MAP4K4: variants seen among roughly 807,000 people sequenced by gnomAD.
MAP4K4 encodes the protein mitogen-activated protein kinase kinase kinase kinase 4.
Under a neutral mutation model 189.6 loss-of-function variants are expected in MAP4K4, and 38 were observed. That is an observed-to-expected ratio of 0.20 (90% CI 0.15 to 0.26). MAP4K4 has a LOEUF of 0.26. MAP4K4 is among the 10% of genes least tolerant of loss of function. The probability of loss-of-function intolerance (pLI) is 1.00; values close to 1 mark genes in which losing one functional copy is unlikely to be tolerated. For synonymous variants in MAP4K4, 610 were observed against 624.3 expected, an observed-to-expected ratio of 0.98 and a Z score of 0.34; for missense variants, 1,054 against 1,726.9, an observed-to-expected ratio of 0.61 and a Z score of 6.91.
intron 13 of MAP4K4, among the ~76,000 whole-genome samples, chr2:101,858,024 TG>T (rs2097530850): frequency 1.3e-5 from 2 of 152,330 alleles, no homozygotes; most frequent in Admixed American, 6.5e-5. Flanking sequence ...CTCTTTGGCT[TG>T]TAAAATGTTT....
At chr2:101,871,433 T>C (rs1197022157) in intron 23 of MAP4K4, 61 bp from the exon 24 acceptor site, 3 of 1,356,170 alleles carry the variant, frequency 2.2e-6, no homozygotes, top group African/African-American at 1.4e-5. Context: ...CAGTTATCAA[T>C]AGGGCCATAG....
chr2:101,885,823 TG>T (rs1196635401), intron 29 of MAP4K4, among the ~76,000 whole-genome samples: 1 of 152,226 alleles, frequency 6.6e-6, no homozygotes, highest in Non-Finnish European at 1.5e-5. Flanking sequence ...CAAATTAAGA[TG>T]TTTTTGCCAT....
intron 2 of MAP4K4, among the ~76,000 whole-genome samples, chr2:101,702,523 T>G (rs2039463152): frequency 6.6e-6 from 1 of 152,080 alleles, no homozygotes; most frequent in Non-Finnish European, 1.5e-5. Context: ...GAGCCGAGAT[T>G]GTGCCATTGC....
chr2:101,820,678 CT>C (rs2095997531), intron 3 of MAP4K4, among the ~76,000 whole-genome samples: 2 of 152,186 alleles, frequency 1.3e-5, no homozygotes, highest in African/African-American at 2.4e-5. Flanking sequence ...TGTGCTAAGT[CT>C]TTTCAGGAGC....
rs78262287 is a variant in MAP4K4 at position 101,773,288 on chromosome 2, A to G, written c.124-17432A>G. On this transcript the variant is annotated intron_variant, in intron 2 of 32. Coordinates refer to ENST00000324219, the Ensembl canonical transcript of MAP4K4. ...AAAGGGAGGGCAGCAAGGGGGAGGG[A>G]ACAAAGACAATGCCAACAAAGCAAA... 8.0e-3 allele frequency among the ~76,000 whole-genome samples: 1,224 copies of G among 152,314 alleles called. 58 individuals carry two copies. The East Asian group carries it at 0.12, about 16-fold the overall frequency.
At chr2:101,722,061 A>G (rs973271792) in intron 2 of MAP4K4, among the ~76,000 whole-genome samples, 1 of 152,188 alleles carries the variant, frequency 6.6e-6, no homozygotes, top group Non-Finnish European at 1.5e-5. Flanking sequence ...GGAAGATAGT[A>G]GGAGAGAGAA....
At chr2:101,736,224 C>T (rs183803082) in intron 2 of MAP4K4, among the ~76,000 whole-genome samples, 1 of 152,358 alleles carries the variant, frequency 6.6e-6, no homozygotes, top group Admixed American at 6.5e-5. Context: ...ATCTGTCCAA[C>T]AGTTCCCTTC....
chr2:101,698,091 A>G (rs750177799), exon 1 of MAP4K4: 1 of 1,323,016 alleles, frequency 7.6e-7, no homozygotes, highest in Non-Finnish European at 1.0e-6. Flanking sequence ...ATGGCGAACG[A>G]CTCCCCTGCA....
intron 2 of MAP4K4, among the ~76,000 whole-genome samples, chr2:101,723,901 T>C (rs1423978405): frequency 1.3e-5 from 2 of 152,134 alleles, no homozygotes; most frequent in African/African-American, 4.8e-5. Flanking sequence ...TGCAGACTCC[T>C]AGGGACAGGG....
At chr2:101,816,258 C>T (rs2095707782) in intron 3 of MAP4K4, among the ~76,000 whole-genome samples, 1 of 152,130 alleles carries the variant, frequency 6.6e-6, no homozygotes, top group Non-Finnish European at 1.5e-5. Flanking sequence ...GTCCTTGATA[C>T]TTTATTTTGG....
chr2:101,890,133 G>A (rs2150351067), intron 32 of MAP4K4, among the ~76,000 whole-genome samples: 1 of 152,238 alleles, frequency 6.6e-6, no homozygotes, highest in East Asian at 1.9e-4. Flanking sequence ...TTAATAAATG[G>A]CACAAAAATT....
At chr2:101,739,136 C>T (rs2061611330) in intron 2 of MAP4K4, among the ~76,000 whole-genome samples, 1 of 152,136 alleles carries the variant, frequency 6.6e-6, no homozygotes, top group African/African-American at 2.4e-5. Flanking sequence ...AGGAGGCGAA[C>T]CTGCTTAGTC....
intron 2 of MAP4K4, among the ~76,000 whole-genome samples, chr2:101,726,089 A>G (rs2055229515): frequency 6.6e-6 from 1 of 152,114 alleles, no homozygotes; most frequent in Non-Finnish European, 1.5e-5. Context: ...ATGAATGTGG[A>G]CTTTGGCTTG....
At chr2:101,862,543 A>G (rs943771428) in intron 16 of MAP4K4, among the ~76,000 whole-genome samples, 2 of 152,180 alleles carry the variant, frequency 1.3e-5, no homozygotes, top group East Asian at 1.9e-4. Context: ...CTTCGCATAA[A>G]TGGACAATCT....
intron 10 of MAP4K4, among the ~76,000 whole-genome samples, chr2:101,842,403 G>A (rs183915194): frequency 5.9e-5 from 9 of 152,302 alleles, no homozygotes; most frequent in African/African-American, 1.7e-4. Context: ...CAGCTTTTCT[G>A]TGGGGAGTAA....
intron 3 of MAP4K4, among the ~76,000 whole-genome samples, chr2:101,803,872 T>C (rs1237624825): frequency 6.6e-6 from 1 of 152,184 alleles, no homozygotes; most frequent in East Asian, 1.9e-4. Context: ...CTCCTAGTTA[T>C]TCTGACTTTT....
At chr2:101,870,881 G>C (rs930852694) in intron 23 of MAP4K4, among the ~76,000 whole-genome samples, 2 of 152,144 alleles carry the variant, frequency 1.3e-5, no homozygotes, top group Admixed American at 1.3e-4. Context: ...AGAGCAGAAG[G>C]GTTCGGGAGG....
At chr2:101,876,071 G>C (rs150470261) in intron 26 of MAP4K4, among the ~76,000 whole-genome samples, 7 of 152,356 alleles carry the variant, frequency 4.6e-5, no homozygotes, top group Non-Finnish European at 7.3e-5. Context: ...GGACAGAGAA[G>C]GGGTTTTCTC....
intron 2 of MAP4K4, among the ~76,000 whole-genome samples, chr2:101,751,467 A>G (rs538234268): frequency 2.6e-5 from 4 of 152,334 alleles, no homozygotes; most frequent in East Asian, 1.9e-4. Flanking sequence ...TCTCATCTGT[A>G]AAATGGGACT....
Sources: gnomAD v4.1 joint callset for allele counts (sites outside exome capture counted in the v4.1 genomes callset) on GRCh38, gnomAD v4.1.1 for gene constraint, MANE v1.5 for transcripts, NCBI Gene and HGNC (gene_info 2026-07-23, HGNC 2026-07-21) for gene names.